LTBP1: variants seen among roughly 807,000 people sequenced by gnomAD.
LTBP1 encodes the protein latent transforming growth factor beta binding protein 1, also known as latent-transforming growth factor beta-binding protein 1.
A neutral mutation model predicts 207.6 loss-of-function variants in LTBP1; 129 were observed. The observed-to-expected ratio is 0.62, with a 90% CI of 0.54 to 0.72. The LOEUF (loss-of-function observed/expected upper bound fraction) is 0.72. Among genes scored for constraint, LTBP1 ranks in the 30% least tolerant of loss-of-function variants. The pLI, the probability that LTBP1 is intolerant of heterozygous loss-of-function variation, is 0.00. For synonymous variants in LTBP1, 963 were observed against 833.7 expected, an observed-to-expected ratio of 1.16 and a Z score of -2.67; for missense variants, 2,281 against 2,217.2, an observed-to-expected ratio of 1.03 and a Z score of -0.58.
intron 15 of LTBP1, among the ~76,000 whole-genome samples, chr2:33,264,038 T>C (rs1194865571): frequency 2.0e-5 from 3 of 150,266 alleles, no homozygotes; most frequent in Non-Finnish European, 4.4e-5. Flanking sequence ...GGCAGATCAC[T>C]AGGTCAGGAG....
At chr2:33,284,263 A>G (rs2093619763) in intron 19 of LTBP1, among the ~76,000 whole-genome samples, 1 of 152,208 alleles carries the variant, frequency 6.6e-6, no homozygotes, top group African/African-American at 2.4e-5. Flanking sequence ...CTGAGGGACT[A>G]CATTTTTTCC....
intron 19 of LTBP1, among the ~76,000 whole-genome samples, chr2:33,282,407 A>G (rs73927364): frequency 0.037 from 5,662 of 152,236 alleles, 126 homozygotes; most frequent in Middle Eastern, 0.11. Flanking sequence ...TAAATTTCTC[A>G]TGAGGGCCTT....
At chr2:33,284,655 G>T (rs2093627927) in intron 19 of LTBP1, among the ~76,000 whole-genome samples, 1 of 152,114 alleles carries the variant, frequency 6.6e-6, no homozygotes, top group Non-Finnish European at 1.5e-5. Flanking sequence ...GGCTTGTGGA[G>T]ATCTGGCCTG....
intron 2 of LTBP1, among the ~76,000 whole-genome samples, chr2:32,997,593 A>G (rs927599615): frequency 3.3e-5 from 5 of 152,144 alleles, no homozygotes; most frequent in Non-Finnish European, 1.5e-5. Context: ...ACCAAGCTAA[A>G]TGCTCTTGGG....
intron 24 of LTBP1, among the ~76,000 whole-genome samples, chr2:33,329,004 A>G (rs6740415): frequency 0.57 from 85,931 of 152,004 alleles, 25,488 homozygotes; most frequent in African/African-American, 0.75. Flanking sequence ...ATGACTTTTC[A>G]TGGGCATAAT....
chr2:33,098,380 C>T (rs2079513617), intron 3 of LTBP1, among the ~76,000 whole-genome samples: 1 of 152,120 alleles, frequency 6.6e-6, no homozygotes, highest in Non-Finnish European at 1.5e-5. Context: ...ATGTGCATTG[C>T]AGATATTTTT....
chr2:33,208,417 ACTCTT>A (rs2090036276), intron 7 of LTBP1, among the ~76,000 whole-genome samples: 1 of 152,160 alleles, frequency 6.6e-6, no homozygotes, highest in African/African-American at 2.4e-5. Context: ...AAGAGCTGTA[ACTCTT>A]CTCAGGAAGG....
chr2:33,054,504 T>G (rs59017665), intron 3 of LTBP1, among the ~76,000 whole-genome samples: 1,527 of 152,258 alleles, frequency 0.01, 26 homozygotes, highest in African/African-American at 0.035. Flanking sequence ...CCCATATTCA[T>G]GTAGATAATA....
chr2:33,287,814 A>G (rs888627804), intron 19 of LTBP1, among the ~76,000 whole-genome samples: 1 of 152,194 alleles, frequency 6.6e-6, no homozygotes, highest in Non-Finnish European at 1.5e-5. Context: ...GAATTGACAG[A>G]GGGGGTGTGA....
chr2:33,016,155 G>T (rs1688347753), intron 2 of LTBP1, among the ~76,000 whole-genome samples: 1 of 152,136 alleles, frequency 6.6e-6, no homozygotes, highest in South Asian at 2.1e-4. Flanking sequence ...GGATTGAGGG[G>T]CCTGTGCTCC....
intron 2 of LTBP1, among the ~76,000 whole-genome samples, chr2:33,016,636 C>G (rs180850459): frequency 1.3e-5 from 2 of 152,284 alleles, no homozygotes; most frequent in Admixed American, 6.5e-5. Context: ...ATAGCCTCCA[C>G]TCAGCCTCCA....
chr2:33,002,770 C>T (rs1457331467), intron 2 of LTBP1, among the ~76,000 whole-genome samples: 2 of 152,042 alleles, frequency 1.3e-5, no homozygotes, highest in Non-Finnish European at 2.9e-5. Context: ...CTCTGGCTCC[C>T]TGGTTCAAAC....
chr2:33,273,376 A>G (rs2148366111), intron 15 of LTBP1, among the ~76,000 whole-genome samples: 1 of 152,298 alleles, frequency 6.6e-6, no homozygotes, highest in South Asian at 2.1e-4. Flanking sequence ...ATTTTCTTAC[A>G]ACTTACAACA....
At chr2:33,299,000 G>A (rs1030389508) in intron 20 of LTBP1, among the ~76,000 whole-genome samples, 1 of 152,144 alleles carries the variant, frequency 6.6e-6, no homozygotes, top group African/African-American at 2.4e-5. Flanking sequence ...TTGCGGCTAG[G>A]TGTGGTGGCT....
chr2:33,242,589 T>C (rs2092367750), intron 9 of LTBP1, among the ~76,000 whole-genome samples: 26 of 152,004 alleles, frequency 1.7e-4, no homozygotes. Flanking sequence ...TTTCCTTTTT[T>C]CTTAGATTAG....
At chr2:33,151,976 A>T (rs193267058) in intron 5 of LTBP1, among the ~76,000 whole-genome samples, 4 of 152,124 alleles carry the variant, frequency 2.6e-5, no homozygotes, top group Admixed American at 6.6e-5. Flanking sequence ...TGCGTGTGCA[A>T]GTTGGAAAAA....
At chr2:33,177,236 A>G (rs992543135) in intron 5 of LTBP1, among the ~76,000 whole-genome samples, 9 of 152,226 alleles carry the variant, frequency 5.9e-5, no homozygotes, top group Non-Finnish European at 1.0e-4. Context: ...CTCCTAGCAC[A>G]TTGCCTTGCA....
At chr2:33,048,544 A>G (rs1041781697) in intron 3 of LTBP1, among the ~76,000 whole-genome samples, 6 of 152,260 alleles carry the variant, frequency 3.9e-5, no homozygotes, top group Non-Finnish European at 8.8e-5. Flanking sequence ...AGAAGAAAAA[A>G]AAGAATAGAT....
chr2:33,032,734 CTT>C (rs998429083), intron 3 of LTBP1, among the ~76,000 whole-genome samples: 3 of 152,226 alleles, frequency 2.0e-5, no homozygotes, highest in East Asian at 1.9e-4. Flanking sequence ...TTGTTTCAGA[CTT>C]ATATTCATTT....
Sources: gnomAD v4.1 joint callset for allele counts (sites outside exome capture counted in the v4.1 genomes callset) on GRCh38, gnomAD v4.1.1 for gene constraint, MANE v1.5 for transcripts, NCBI Gene and HGNC (gene_info 2026-07-23, HGNC 2026-07-21) for gene names.